Variants in PPP2R2B observed in about 807,000 individuals in gnomAD.
PPP2R2B encodes protein phosphatase 2 regulatory subunit Bbeta.
Under a neutral mutation model 46.0 loss-of-function variants are expected in PPP2R2B, and 5 were observed. The ratio of observed to expected loss-of-function variants is 0.11; its 90% confidence interval spans 0.06 to 0.23. The LOEUF (loss-of-function observed/expected upper bound fraction) is 0.23, where lower values mean the gene tolerates loss of function less well. Ranked by LOEUF, PPP2R2B falls within the 10% of genes least tolerant of loss-of-function variation. The pLI is 1.00. For missense variants in PPP2R2B, 367 were observed against 575.0 expected (o/e 0.64, Z 3.70); for synonymous variants, 215 against 206.7 (o/e 1.04, Z -0.34).
chr5:146,845,305 C>CTTTTCT (rs1554144636), intron 2 of PPP2R2B, among the ~76,000 whole-genome samples: 1 of 74,074 alleles, frequency 1.3e-5, no homozygotes. Context: ...TTTTCCTTTT[C>CTTTTCT]TTTTTTTTGT....
At chr5:146,630,693 G>A (rs1247159719) in intron 7 of PPP2R2B, among the ~76,000 whole-genome samples, 2 of 152,106 alleles carry the variant, frequency 1.3e-5, no homozygotes, top group Non-Finnish European at 1.5e-5. Context: ...CTGTGAATAC[G>A]GCTGTTGACA....
chr5:146,828,605 T>C (rs1209231265), intron 2 of PPP2R2B, among the ~76,000 whole-genome samples: 1 of 152,208 alleles, frequency 6.6e-6, no homozygotes, highest in Non-Finnish European at 1.5e-5. Flanking sequence ...CCCAAGGCTG[T>C]AGAGACAGCC....
chr5:146,803,977 C>A (rs572981828), intron 2 of PPP2R2B, among the ~76,000 whole-genome samples: 5 of 152,112 alleles, frequency 3.3e-5, no homozygotes, highest in Admixed American at 3.3e-4. Context: ...ACCATCCTGG[C>A]TAATACGGTG....
At chr5:146,786,864 A>G (rs1205108845) in intron 2 of PPP2R2B, among the ~76,000 whole-genome samples, 1 of 152,200 alleles carries the variant, frequency 6.6e-6, no homozygotes, top group East Asian at 1.9e-4. Flanking sequence ...ATTTTCTTTA[A>G]TTCAATCATC....
At chr5:146,630,258 C>T (rs1174218832) in intron 7 of PPP2R2B, among the ~76,000 whole-genome samples, 1 of 152,192 alleles carries the variant, frequency 6.6e-6, no homozygotes, top group Non-Finnish European at 1.5e-5. Flanking sequence ...CGTCTGATAA[C>T]AGGTCTTAAT....
At chr5:146,843,536 T>C (rs919339443) in intron 2 of PPP2R2B, among the ~76,000 whole-genome samples, 1 of 152,212 alleles carries the variant, frequency 6.6e-6, no homozygotes, top group African/African-American at 2.4e-5. Context: ...ATTAGAATAG[T>C]CACAGGTGTT....
intron 5 of PPP2R2B, among the ~76,000 whole-genome samples, chr5:146,659,503 C>T (rs1402771308): frequency 2.0e-5 from 3 of 152,132 alleles, no homozygotes; most frequent in Admixed American, 6.6e-5. Flanking sequence ...GTATTCCCCT[C>T]CTTAACGTTG....
Position 147,035,664 on chromosome 5 carries a change from G to T in PPP2R2B, c.79+20001C>A, listed in dbSNP as rs1028818859. ...GCAAAGTAGAAAGTCATTTACATCT[G>T]CCAAGGAGTTTAGTTTGAAATAGGA... On this transcript the variant is annotated intron_variant, in intron 1 of 8. Transcript: ENST00000336640. Among the ~76,000 whole-genome samples the T allele has an allele frequency of 3.3e-5, 5 of 152,198 alleles. No individual in the cohort carries two copies. In the East Asian group the frequency reaches 7.7e-4, roughly 24 times the overall value.
intron 2 of PPP2R2B, among the ~76,000 whole-genome samples, chr5:146,750,642 G>A (rs1444418499): frequency 6.6e-6 from 1 of 152,142 alleles, no homozygotes; most frequent in Non-Finnish European, 1.5e-5. Flanking sequence ...AAGGAATGGT[G>A]GGGATTGTGG....
At chr5:146,771,549 T>C (rs1754855620) in intron 2 of PPP2R2B, among the ~76,000 whole-genome samples, 1 of 152,142 alleles carries the variant, frequency 6.6e-6, no homozygotes, top group Admixed American at 6.5e-5. Flanking sequence ...AGAGATGCCT[T>C]CCATAAGAGT....
chr5:146,894,480 C>T (rs1302135453), intron 1 of PPP2R2B, among the ~76,000 whole-genome samples: 1 of 152,186 alleles, frequency 6.6e-6, no homozygotes, highest in African/African-American at 2.4e-5. Flanking sequence ...TGCTCTCTCA[C>T]CTAGGCTGGA....
At chr5:146,620,214 G>A (rs1051388932) in intron 7 of PPP2R2B, among the ~76,000 whole-genome samples, 4 of 152,184 alleles carry the variant, frequency 2.6e-5, no homozygotes, top group African/African-American at 7.2e-5. Context: ...AAGGGGAAGC[G>A]AAAACCTGTG....
intron 6 of PPP2R2B, among the ~76,000 whole-genome samples, chr5:146,641,408 C>G (rs1179565628): frequency 6.6e-6 from 1 of 152,144 alleles, no homozygotes; most frequent in East Asian, 1.9e-4. Flanking sequence ...GAGAGGGCAG[C>G]CCCATCTCTT....
intron 2 of PPP2R2B, among the ~76,000 whole-genome samples, chr5:146,768,511 A>T (rs367602463): frequency 4.6e-5 from 7 of 152,252 alleles, no homozygotes; most frequent in African/African-American, 1.7e-4. Context: ...GTCCACTGTC[A>T]TGGCCTCCAA....
At chr5:146,810,161 T>C (rs1757438406) in intron 2 of PPP2R2B, among the ~76,000 whole-genome samples, 2 of 152,268 alleles carry the variant, frequency 1.3e-5, no homozygotes, top group South Asian at 2.1e-4. Flanking sequence ...CCTTTACAGA[T>C]TGTGTATTAG....
chr5:146,899,884 G>A (rs1296908795), intron 1 of PPP2R2B, among the ~76,000 whole-genome samples: 1 of 152,130 alleles, frequency 6.6e-6, no homozygotes. Context: ...TAATCATTGT[G>A]AACACTAAGG....
At chr5:146,998,858 G>T (rs560643362) in intron 1 of PPP2R2B, among the ~76,000 whole-genome samples, 1 of 151,398 alleles carries the variant, frequency 6.6e-6, no homozygotes, top group Non-Finnish European at 1.5e-5. Context: ...CCACTGATTC[G>T]GTGTTTAAAA....
rs182382241 is a variant in PPP2R2B, at chr5:146,754,116, G to A, written c.71-52974C>T. The stretch of plus-strand genomic sequence containing the variant: ...CACCAAAGTTCTGCCACAAGCCCCC[G>A]CCACGTGTCAGATGAAGGATGATTG... On this transcript the variant is annotated intron_variant, in intron 2 of 9. Transcript: ENST00000394411. 5.9e-5 allele frequency among the ~76,000 whole-genome samples: 9 copies of A among 152,226 alleles called. No homozygotes were observed. In the East Asian group the frequency reaches 7.7e-4, roughly 13 times the overall value.
intron 2 of PPP2R2B, among the ~76,000 whole-genome samples, chr5:146,833,103 G>A (rs560749853): frequency 1.3e-5 from 2 of 151,762 alleles, no homozygotes; most frequent in Non-Finnish European, 1.5e-5. Flanking sequence ...AACTTCACAG[G>A]CTGCTTTCAT....
Sources: allele counts gnomAD v4.1 joint callset (sites outside exome capture counted in the v4.1 genomes callset), GRCh38; gene constraint gnomAD v4.1.1; transcripts MANE v1.5; gene names NCBI Gene and HGNC (gene_info 2026-07-23, HGNC 2026-07-21).